SLC4A5: variants seen among roughly 807,000 people sequenced by gnomAD.
SLC4A5 encodes the protein solute carrier family 4 member 5.
SLC4A5 carries 96 observed loss-of-function variants against 120.4 expected under a neutral mutation model. The observed-to-expected ratio is 0.80, with a 90% confidence interval of 0.68 to 0.94. The LOEUF is 0.94. SLC4A5 is among the 40% of genes least tolerant of loss of function. SLC4A5 has a pLI of 0.00. For synonymous variants in SLC4A5, 550 were observed against 571.1 expected, an observed-to-expected ratio of 0.96 and a Z score of 0.53; for missense variants, 1,259 against 1,459.5, an observed-to-expected ratio of 0.86 and a Z score of 2.24.
At chr2:74,333,637 G>C (rs1045713626) in intron 4 of SLC4A5, among the ~76,000 whole-genome samples, 2 of 152,288 alleles carry the variant, frequency 1.3e-5, no homozygotes, top group East Asian at 3.9e-4. Context: ...AAGGACTTGA[G>C]CATCTTCAGA....
chr2:74,333,290 G>A (rs930547429), intron 4 of SLC4A5, among the ~76,000 whole-genome samples: 3 of 152,020 alleles, frequency 2.0e-5, no homozygotes, highest in African/African-American at 7.3e-5. Flanking sequence ...CCTGGATTAG[G>A]GCATTCAGTC....
At chr2:74,235,266 C>A (rs568612342) in intron 21 of SLC4A5, 52 bp from the exon 22 acceptor site, 1 of 1,416,712 alleles carries the variant, frequency 7.1e-7, no homozygotes, top group Non-Finnish European at 9.9e-7. Context: ...ACCCACCCAG[C>A]TCCAGGCAGC....
intron 12 of SLC4A5, among the ~76,000 whole-genome samples, chr2:74,258,236 A>G (rs1671029667): frequency 6.6e-6 from 1 of 152,236 alleles, no homozygotes; most frequent in East Asian, 1.9e-4. Flanking sequence ...GAGCCTGCAG[A>G]GCAAATGCCT....
At chr2:74,293,296 C>T (rs1457746141) in intron 7 of SLC4A5, among the ~76,000 whole-genome samples, 1 of 152,146 alleles carries the variant, frequency 6.6e-6, no homozygotes, top group Non-Finnish European at 1.5e-5. Flanking sequence ...TGCTGACTTG[C>T]TGTGTTCACG....
intron 6 of SLC4A5, among the ~76,000 whole-genome samples, chr2:74,313,351 G>C (rs1007743054): frequency 1.3e-5 from 2 of 152,182 alleles, no homozygotes; most frequent in Admixed American, 1.3e-4. Context: ...TTTCTCAGCT[G>C]AACTATGGAG....
At chr2:74,268,721 T>G (rs1247938714) in intron 8 of SLC4A5, among the ~76,000 whole-genome samples, 1 of 152,236 alleles carries the variant, frequency 6.6e-6, no homozygotes, top group East Asian at 1.9e-4. Context: ...CAATGAGATC[T>G]TACATTTCCC....
chr2:74,259,455 A>G, intron 12 of SLC4A5, 133 bp downstream of exon 12: 6 of 1,037,786 alleles, frequency 5.8e-6, no homozygotes, highest in Non-Finnish European at 6.0e-6. Context: ...CAGAGTCCCC[A>G]CTGGGGATCT....
Position 74,315,365 on chromosome 2 carries a change from G to A in SLC4A5, c.-2-340C>T, listed in dbSNP as rs987674906. ...TGAGGCAAGAGAATCTCTTGAACCC[G>A]GGAGGTGGAGGTTGCAATGAGCTGA... On this transcript the variant is annotated intron_variant, in intron 5 of 30. Coordinates refer to ENST00000394019, the Ensembl canonical transcript of SLC4A5. 2.6e-5 allele frequency among the ~76,000 whole-genome samples: 4 copies of A among 151,418 alleles called. No homozygotes were observed. In the East Asian group the frequency reaches 5.8e-4, roughly 22 times the overall value.
chr2:74,292,382 C>T (rs887568857), intron 7 of SLC4A5, among the ~76,000 whole-genome samples: 1 of 152,196 alleles, frequency 6.6e-6, no homozygotes, highest in African/African-American at 2.4e-5. Context: ...TGTCTCTGCC[C>T]CTCCCTTCTG....
At chr2:74,295,746 T>G (rs1672307013) in intron 7 of SLC4A5, among the ~76,000 whole-genome samples, 1 of 152,212 alleles carries the variant, frequency 6.6e-6, no homozygotes, top group Admixed American at 6.5e-5. Context: ...TGCTCACCTA[T>G]GTGCCTTAAA....
chr2:74,322,849 C>T (rs913724822), intron 5 of SLC4A5, among the ~76,000 whole-genome samples: 1 of 151,960 alleles, frequency 6.6e-6, no homozygotes, highest in African/African-American at 2.4e-5. Context: ...AAAGAAAGAT[C>T]CCAAAAACTT....
intron 1 of SLC4A5, among the ~76,000 whole-genome samples, chr2:74,343,065 TA>T (rs1673660462): frequency 6.6e-6 from 1 of 151,554 alleles, no homozygotes; most frequent in African/African-American, 2.4e-5. Context: ...GAAACTGGAG[TA>T]GGGGGACACA....
At chr2:74,252,710 C>T (rs1479896292) in intron 15 of SLC4A5, among the ~76,000 whole-genome samples, 1 of 152,084 alleles carries the variant, frequency 6.6e-6, no homozygotes. Context: ...CCTCAGCCTC[C>T]AGAGTAGCAG....
At chr2:74,233,593 T>C in intron 22 of SLC4A5, 30 bp from the exon 23 acceptor site, 1 of 1,587,906 alleles carries the variant, frequency 6.3e-7, no homozygotes, top group Non-Finnish European at 8.6e-7. Flanking sequence ...GAGGGGCCCT[T>C]TCCTCTCTCC....
At chr2:74,312,649 T>C (rs1336928677) in intron 6 of SLC4A5, among the ~76,000 whole-genome samples, 2 of 152,194 alleles carry the variant, frequency 1.3e-5, no homozygotes, top group East Asian at 3.8e-4. Context: ...GAAGTAATTA[T>C]TGGCTGGGTG....
rs1384907334 is a variant in SLC4A5, at chr2:74,255,164, C to T, written c.1026-458G>A. On this transcript the variant is annotated intron_variant, in intron 13 of 30. Coordinates refer to ENST00000394019, the Ensembl canonical transcript of SLC4A5. This position sits in a 1 kb window ranked among gnomAD's most constrained non-coding sequence, Gnocchi z 4.0. The stretch of plus-strand genomic sequence containing the variant: ...TTCCCTCCATGGAACCCTATGTTTG[C>T]TTTGGAGGAACATTTCCTCTTCCCC... Among the ~76,000 whole-genome samples, 1 of 152,166 alleles carries T rather than the reference C, an allele frequency of 6.6e-6. No homozygotes were observed. Among genetic ancestry groups the T allele is most frequent in the Non-Finnish European group, 1.5e-5 (1 of 68,024 alleles).
intron 15 of SLC4A5, among the ~76,000 whole-genome samples, 160 bp downstream of exon 15, chr2:74,252,814 C>T (rs1314125710): frequency 6.6e-6 from 1 of 152,222 alleles, no homozygotes; most frequent in African/African-American, 2.4e-5. Context: ...TTTCAAACTC[C>T]TGGGCTCAAG....
intron 4 of SLC4A5, among the ~76,000 whole-genome samples, chr2:74,331,633 C>T (rs1169941874): frequency 6.6e-6 from 1 of 151,954 alleles, no homozygotes; most frequent in Non-Finnish European, 1.5e-5. Flanking sequence ...AATCACCTCT[C>T]TGGGCCTCAG....
chr2:74,314,823 T>C (rs750559917), intron 6 of SLC4A5, 122 bp downstream of exon 6: 772 of 853,384 alleles, frequency 9.0e-4, no homozygotes, highest in Non-Finnish European at 1.4e-3. Context: ...GGAGACACTG[T>C]GGATGAGTCA....
Sources: gnomAD v4.1 joint callset for allele counts (sites outside exome capture counted in the v4.1 genomes callset) on GRCh38, gnomAD v4.1.1 for gene constraint, Gnocchi (gnomAD v3.1) non-coding constraint, MANE v1.5 for transcripts, NCBI Gene and HGNC (gene_info 2026-07-23, HGNC 2026-07-21) for gene names.